The following AP2A2 variants were observed in gnomAD, a reference collection of about 807,000 sequenced individuals.
The protein encoded by AP2A2 is AP-2 complex subunit alpha-2.
A neutral mutation model predicts 104.2 loss-of-function variants in AP2A2; 32 were observed. The observed-to-expected ratio is 0.31, with a 90% CI of 0.23 to 0.41. The LOEUF (loss-of-function observed/expected upper bound fraction) is 0.41, where lower values mean the gene tolerates loss of function less well. Ranked by LOEUF, AP2A2 falls within the 10% of genes least tolerant of loss-of-function variation. AP2A2 has a pLI of 1.00. For missense variants in AP2A2, 912 were observed against 1,261.0 expected (o/e 0.72, Z 4.19); for synonymous variants, 539 against 533.3 (o/e 1.01, Z -0.15).
At chr11:997,292 G>T (rs937626734) in intron 14 of AP2A2, among the ~76,000 whole-genome samples, 1 of 152,222 alleles carries the variant, frequency 6.6e-6, no homozygotes, top group Admixed American at 6.5e-5. Flanking sequence ...GTGCTGGGGA[G>T]CACAGGGGTG....
At chr11:947,993 G>A (rs2134510623) in intron 1 of AP2A2, among the ~76,000 whole-genome samples, 1 of 152,212 alleles carries the variant, frequency 6.6e-6, no homozygotes, top group Non-Finnish European at 1.5e-5. Flanking sequence ...TAAAAACACA[G>A]CATTCCAAAA....
Position 1,011,547 on chromosome 11 carries a change from C to A in AP2A2, c.*922C>A. On this transcript the variant is annotated 3_prime_UTR_variant, in exon 22 of 22. Transcript: ENST00000448903. Reference sequence around the variant, plus strand: ...GCCATTGGCCGCATGCCATGTGCCACCTGCGGCTTGTGTCTCACCTGTCAT... The same window carrying A: ...GCCATTGGCCGCATGCCATGTGCCAACTGCGGCTTGTGTCTCACCTGTCAT... 1 of 469,890 alleles carries A rather than the reference C, an allele frequency of 2.1e-6. No homozygotes were observed. The highest frequency in any genetic ancestry group is 2.3e-5 in the Admixed American group (1 of 43,296). The allele number at this position is 469,890 out of a possible 1,614,324, so 29.1% of individuals were successfully genotyped here. A position where few individuals can be genotyped will look rare whatever the true frequency, so the allele number is the denominator to read the frequency against.
intron 2 of AP2A2, 39 bp from the exon 3 acceptor site, chr11:970,129 GC>G: frequency 2.5e-6 from 4 of 1,607,534 alleles, no homozygotes; most frequent in Non-Finnish European, 3.4e-6. Flanking sequence ...CCCTGCCTCT[GC>G]CCGCCTGGAA....
intron 1 of AP2A2, among the ~76,000 whole-genome samples, chr11:929,036 G>C (rs1212977974): frequency 6.6e-6 from 1 of 152,208 alleles, no homozygotes; most frequent in East Asian, 1.9e-4. Context: ...GACCTCACAA[G>C]GAAGGTGATT....
chr11:939,544 A>G (rs920290690), intron 1 of AP2A2, among the ~76,000 whole-genome samples: 1 of 151,924 alleles, frequency 6.6e-6, no homozygotes, highest in Admixed American at 6.6e-5. Context: ...TCTCAGGTTC[A>G]AGTGATTCTC....
In AP2A2 at chr11:988,650, C is replaced by G; in HGVS notation, c.1230C>G (p.Ser410Arg). 6.2e-7 allele frequency: 1 copy of G among 1,613,796 alleles called. No individual in the cohort carries two copies. Among genetic ancestry groups the G allele is most frequent in the South Asian group, 1.1e-5 (1 of 91,092 alleles). The change falls in exon 10 of 22, where the codon AGC becomes AGG. Residue 410 changes from serine (S) to arginine (R), a missense_variant. By Grantham distance (110) the Ser-to-Arg change is moderately radical (BLOSUM62 -1). Coordinates refer to ENST00000448903, the MANE Select transcript of AP2A2 (RefSeq NM_012305.4). The part of the protein sequence containing the change: ...NAPQIVAEML[S>R]YLETADYSIR... ...CACAGATCGTGGCCGAGATGCTGAGCTATCTGGAGACAGCTGACTACTCCA... is the reference window on the plus strand; with the variant it reads ...CACAGATCGTGGCCGAGATGCTGAGGTATCTGGAGACAGCTGACTACTCCA...
At chr11:984,478 C>T (rs569000318) in intron 6 of AP2A2, among the ~76,000 whole-genome samples, 167 bp from the exon 7 acceptor site, 18 of 152,312 alleles carry the variant, frequency 1.2e-4, no homozygotes, top group African/African-American at 4.1e-4. Flanking sequence ...AGCCCTCTCA[C>T]GGCGAACCCA....
At chr11:931,263 A>T (rs1853283283) in intron 1 of AP2A2, among the ~76,000 whole-genome samples, 1 of 152,182 alleles carries the variant, frequency 6.6e-6, no homozygotes, top group East Asian at 1.9e-4. Flanking sequence ...GGGAAACAAG[A>T]CCATAATTAT....
chr11:975,991 G>C (rs1050397982), intron 4 of AP2A2, among the ~76,000 whole-genome samples: 1 of 152,218 alleles, frequency 6.6e-6, no homozygotes, highest in Non-Finnish European at 1.5e-5. Context: ...TCGTGTGTCG[G>C]CATTTGTAGC....
chr11:965,474 G>T (rs536091846), intron 2 of AP2A2, among the ~76,000 whole-genome samples: 2 of 152,358 alleles, frequency 1.3e-5, no homozygotes, highest in Non-Finnish European at 2.9e-5. Flanking sequence ...TTTAATGAGG[G>T]TTGTTAGGTG....
chr11:1,000,569 C>T lies in AP2A2; in HGVS notation c.2094C>T (p.Leu698=), dbSNP rs756766360. The T allele has an allele frequency of 3.1e-5, 48 of 1,550,506 alleles. No individual in the cohort carries two copies. The highest frequency in any genetic ancestry group is 3.8e-5 in the Admixed American group (2 of 52,850). ...ACTCGGCCTCTGTGGTCGCGCCTCTCGCTCCTGGCTCCGAAGACAACTTTG... is the reference window on the plus strand; with the variant it reads ...ACTCGGCCTCTGTGGTCGCGCCTCTTGCTCCTGGCTCCGAAGACAACTTTG... The part of the protein sequence containing the change: ...FSDSASVVAP[L]APGSEDNFAR... The change falls in exon 15 of 22, where the codon CTC becomes CTT. Residue 698 remains leucine, a synonymous_variant. Transcript: ENST00000448903.
chr11:947,856 A>T (rs1203162761), intron 1 of AP2A2, among the ~76,000 whole-genome samples: 1 of 152,142 alleles, frequency 6.6e-6, no homozygotes, highest in Non-Finnish European at 1.5e-5. Flanking sequence ...TACTTGGGAG[A>T]CTGAGACAGG....
In AP2A2 at chr11:972,944, C is replaced by A. The variant is rs111623322; in HGVS notation, c.473+689C>A. Among the ~76,000 whole-genome samples, 8 of 152,372 alleles carry A rather than the reference C, an allele frequency of 5.3e-5. 1 individual carries two copies. The highest frequency in any genetic ancestry group is 1.9e-4 in the African/African-American group (8 of 41,598). The stretch of plus-strand genomic sequence containing the variant: ...GAGCGCCCTCGGCCATCCGTTCCGT[C>A]CCTTGTTAATTTGGAGAGAAGCCTC... On this transcript the variant is annotated intron_variant, in intron 4 of 21. Transcript: ENST00000448903.
intron 17 of AP2A2, 168 bp from the exon 18 acceptor site, chr11:1,007,840 TTGTC>T (rs1856261084): frequency 2.4e-6 from 2 of 832,772 alleles, no homozygotes; most frequent in Non-Finnish European, 1.9e-6. Flanking sequence ...GTTTTGAGGA[TTGTC>T]TGGGTGGAAG....
At chr11:970,033 A>C in intron 2 of AP2A2, 136 bp from the exon 3 acceptor site, 5 of 863,938 alleles carry the variant, frequency 5.8e-6, no homozygotes, top group African/African-American at 1.7e-5. Flanking sequence ...TCTGCACTGC[A>C]CCTGCCTGGG....
intron 9 of AP2A2, among the ~76,000 whole-genome samples, 185 bp from the exon 10 acceptor site, chr11:988,367 C>T (rs1433888532): frequency 6.6e-6 from 1 of 152,192 alleles, no homozygotes; most frequent in South Asian, 2.1e-4. Flanking sequence ...GGCCAGCAGG[C>T]GGAACTCTAT....
intron 5 of AP2A2, among the ~76,000 whole-genome samples, chr11:978,883 G>A (rs560098195): frequency 5.9e-5 from 9 of 152,286 alleles, no homozygotes; most frequent in Middle Eastern, 6.8e-3. Flanking sequence ...TCAGGCCTGC[G>A]CCCGGAGTTG....
Position 994,160 on chromosome 11 carries a change from T to C in AP2A2, c.1871T>C (p.Val624Ala). The change falls in exon 14 of 22, where the codon GTG (valine) becomes GCG (alanine). Residue 624 changes from valine to alanine, a missense_variant. Around this residue, in one of 7 missense-constraint regions of AP2A2, gnomAD observed 105 missense variants for 90.9 expected, o/e 1.16. Coordinates refer to ENST00000448903, the MANE Select transcript of AP2A2 (RefSeq NM_012305.4). ...AAGAAGAAGAAGGGCCCCAGCACGGTGACAGACCTGGAGGACACCAAGCGG... is the reference window on the plus strand; with the variant it reads ...AAGAAGAAGAAGGGCCCCAGCACGGCGACAGACCTGGAGGACACCAAGCGG... The part of the protein sequence containing the change: ...KLKKKKGPST[V>A]TDLEDTKRDR... 2.5e-6 allele frequency: 4 copies of C among 1,613,020 alleles called. No homozygotes were observed. The highest frequency in any genetic ancestry group is 3.4e-6 in the Non-Finnish European group (4 of 1,179,840).
chr11:1,010,695 A>G lies in AP2A2; in HGVS notation c.*70A>G, dbSNP rs1478682850. ...GTCTGTGCCGTTTGTCTTCGTGGCC[A>G]TCCTGCAGATGAGCACCGTGTCCAG... On this transcript the variant is annotated 3_prime_UTR_variant, in exon 22 of 22. Coordinates refer to ENST00000448903, the MANE Select transcript of AP2A2 (RefSeq NM_012305.4). 3 of 1,255,438 alleles carry G rather than the reference A, an allele frequency of 2.4e-6. No homozygotes were observed. Among genetic ancestry groups the G allele is most frequent in the Non-Finnish European group, 3.4e-6 (3 of 877,548 alleles). The allele number at this position is 1,255,438 out of a possible 1,614,324, so 77.8% of individuals were successfully genotyped here.
Sources: gnomAD v4.1 joint callset for allele counts (sites outside exome capture counted in the v4.1 genomes callset) on GRCh38, gnomAD v4.1.1 for gene constraint, gnomAD v4.1.1 regional missense constraint, MANE v1.5 for transcripts, NCBI Gene and HGNC (gene_info 2026-07-23, HGNC 2026-07-21) for gene names.